The following TBC1D23 variants were observed in gnomAD, a reference collection of about 807,000 sequenced individuals.
TBC1D23 encodes TBC1 domain family member 23.
TBC1D23 carries 55 observed loss-of-function variants against 91.4 expected under a neutral mutation model. The ratio of observed to expected loss-of-function variants is 0.60; its 90% confidence interval spans 0.48 to 0.75. The LOEUF is 0.75. Ranked by LOEUF, TBC1D23 falls within the 30% of genes least tolerant of loss-of-function variation. The pLI, the probability that TBC1D23 is intolerant of heterozygous loss-of-function variation, is 0.00. For synonymous variants in TBC1D23, 289 were observed against 281.0 expected (o/e 1.03, Z -0.28); for missense variants, 725 against 836.1 (o/e 0.87, Z 1.64).
chr3:100,264,164 C>CTTGTT (rs1434603278), intron 1 of TBC1D23, among the ~76,000 whole-genome samples: 12 of 151,940 alleles, frequency 7.9e-5, no homozygotes, highest in Admixed American at 2.0e-4. Flanking sequence ...ATGCTTTACT[C>CTTGTT]TTGTTTTGTT....
At chr3:100,283,852 AC>A (rs760537374) in intron 4 of TBC1D23, 41 bp downstream of exon 4, 1 of 1,335,402 alleles carries the variant, frequency 7.5e-7, no homozygotes, top group Non-Finnish European at 1.1e-6. Context: ...AAAAGTGAAT[AC>A]AGGCCTGGTT....
chr3:100,267,891 T>G lies in TBC1D23; in HGVS notation c.53+6820T>G, dbSNP rs754341692. Among the ~76,000 whole-genome samples, 32 of 152,156 alleles carry G rather than the reference T, an allele frequency of 2.1e-4. 2 individuals are homozygous for G. The highest frequency in any genetic ancestry group is 2.6e-4 in the Admixed American group (4 of 15,272). On this transcript the variant is annotated intron_variant, in intron 1 of 18. Transcript: ENST00000394144. The stretch of plus-strand genomic sequence containing the variant: ...CTCTATGAGAAAGCAAAGTTATGCA[T>G]TGGGCATGATGGCTCATGCCTATAA...
chr3:100,315,400 G>T (rs1056463581), intron 15 of TBC1D23, among the ~76,000 whole-genome samples: 1 of 152,028 alleles, frequency 6.6e-6, no homozygotes, highest in Non-Finnish European at 1.5e-5. Flanking sequence ...GACCTCAGGT[G>T]ATCCACCTAC....
intron 9 of TBC1D23, among the ~76,000 whole-genome samples, chr3:100,298,754 TAA>T (rs1705355375): frequency 6.6e-6 from 1 of 152,216 alleles, no homozygotes; most frequent in Non-Finnish European, 1.5e-5. Flanking sequence ...TTATCCAGTT[TAA>T]AGAGATCCAT....
rs1008744601 is a variant in TBC1D23, at chr3:100,293,145, ATTTATTTT to A, written c.601-1941_601-1934del. 7.8e-5 allele frequency among the ~76,000 whole-genome samples: 11 copies of A among 141,718 alleles called. No homozygotes were observed. The East Asian group carries it at 1.8e-3, about 23-fold the overall frequency. The allele number at this position is 141,718 out of a possible 152,430, so 93.0% of individuals were successfully genotyped here. On this transcript the variant is annotated intron_variant, in intron 5 of 18. Coordinates refer to ENST00000394144, the MANE Select transcript of TBC1D23 (RefSeq NM_001199198.3). ...TGTTTGTTTACTTATTTATTTATTTATTTATTTTGTGAGACGGAGTCTCTTTCACCCAG... is the reference window on the plus strand; with the variant it reads ...TGTTTGTTTACTTATTTATTTATTTAGTGAGACGGAGTCTCTTTCACCCAG...
chr3:100,280,376 T>G lies in TBC1D23; in HGVS notation c.165+616T>G, dbSNP rs761692969. Among the ~76,000 whole-genome samples the G allele has an allele frequency of 4.5e-4, 68 of 152,246 alleles. 1 individual carries two copies. In the Middle Eastern group the frequency reaches 0.01, roughly 23 times the overall value. On this transcript the variant is annotated intron_variant, in intron 2 of 18. Coordinates refer to ENST00000394144, the MANE Select transcript of TBC1D23 (RefSeq NM_001199198.3). Reference sequence around the variant, plus strand: ...AGGAAGTATGCCTCTGGCTGTTGGGTTATAGGAGATTTTCCCTTTGTTTTC... The same window carrying G: ...AGGAAGTATGCCTCTGGCTGTTGGGGTATAGGAGATTTTCCCTTTGTTTTC...
At chr3:100,302,988 A>G (rs900821504) in intron 11 of TBC1D23, among the ~76,000 whole-genome samples, 2 of 152,256 alleles carry the variant, frequency 1.3e-5, no homozygotes, top group Non-Finnish European at 2.9e-5. Flanking sequence ...GAATAAATAC[A>G]TATGCATATT....
intron 5 of TBC1D23, among the ~76,000 whole-genome samples, chr3:100,291,275 A>T (rs2067787617): frequency 6.6e-6 from 1 of 152,086 alleles, no homozygotes; most frequent in Non-Finnish European, 1.5e-5. Flanking sequence ...ATCCATATGG[A>T]TTATATTGAG....
In TBC1D23 at chr3:100,268,675, T is replaced by A. The variant is rs2067577132; in HGVS notation, c.53+7604T>A. On this transcript the variant is annotated intron_variant, in intron 1 of 18. Coordinates refer to ENST00000394144, the MANE Select transcript of TBC1D23 (RefSeq NM_001199198.3). Reference sequence around the variant, plus strand: ...TGCCATTCTCTATCTTAGGCAAAAGTTACACTCTGTTTTTAGTTTCCAAAT... The same window carrying A: ...TGCCATTCTCTATCTTAGGCAAAAGATACACTCTGTTTTTAGTTTCCAAAT... Among the ~76,000 whole-genome samples, 10 of 152,328 alleles carry A rather than the reference T, an allele frequency of 6.6e-5. No individual in the cohort carries two copies. The South Asian group carries it at 2.1e-3, about 32-fold the overall frequency.
intron 4 of TBC1D23, among the ~76,000 whole-genome samples, chr3:100,285,285 A>G (rs374138194): frequency 6.6e-6 from 1 of 152,084 alleles, no homozygotes. Flanking sequence ...TCAACTCTCC[A>G]TTTTCCCCCA....
intron 16 of TBC1D23, among the ~76,000 whole-genome samples, chr3:100,318,162 C>T (rs1032122044): frequency 4.0e-5 from 6 of 149,630 alleles, no homozygotes; most frequent in South Asian, 2.2e-4. Context: ...AGATAACGTG[C>T]GATTTCCTTT....
In TBC1D23 at chr3:100,314,625, C is replaced by T. The variant is rs74996144; in HGVS notation, c.1599-1474C>T. ...TGAAAAAATAAAAAAATTAGGCAGGCGTAGTGGCACACCCCCGTGGTCCCA... is the reference window on the plus strand; with the variant it reads ...TGAAAAAATAAAAAAATTAGGCAGGTGTAGTGGCACACCCCCGTGGTCCCA... On this transcript the variant is annotated intron_variant, in intron 15 of 18. Coordinates refer to ENST00000394144, the MANE Select transcript of TBC1D23 (RefSeq NM_001199198.3). Among the ~76,000 whole-genome samples, 469 of 152,112 alleles carry T rather than the reference C, an allele frequency of 3.1e-3. 7 individuals are homozygous for T. Among genetic ancestry groups the T allele is most frequent in the Admixed American group, 0.019 (285 of 15,276 alleles).
At chr3:100,301,995 A>G in intron 10 of TBC1D23, 72 bp from the exon 11 acceptor site, 1 of 1,286,506 alleles carries the variant, frequency 7.8e-7, no homozygotes, top group South Asian at 1.5e-5. Context: ...TTTTCCTAAA[A>G]AAAATTTCAA....
intron 17 of TBC1D23, among the ~76,000 whole-genome samples, chr3:100,320,492 AAT>A (rs200797906): frequency 6.6e-6 from 1 of 152,074 alleles, no homozygotes; most frequent in African/African-American, 2.4e-5. Flanking sequence ...TTCAATAAAA[AAT>A]ATATTATTGT....
intron 13 of TBC1D23, 34 bp from the exon 14 acceptor site, chr3:100,310,369 C>A: frequency 6.3e-7 from 1 of 1,589,444 alleles, no homozygotes; most frequent in South Asian, 1.1e-5. Flanking sequence ...TTTAGTCATT[C>A]AGAGGCAGTT....
chr3:100,306,160 AAAG>A (rs1420276571), intron 12 of TBC1D23, among the ~76,000 whole-genome samples: 1 of 152,236 alleles, frequency 6.6e-6, no homozygotes, highest in Non-Finnish European at 1.5e-5. Context: ...ATTTCCTTTC[AAAG>A]AAGAAAACGT....
chr3:100,311,067 A>T (rs1242245145), intron 14 of TBC1D23, among the ~76,000 whole-genome samples: 1 of 152,228 alleles, frequency 6.6e-6, no homozygotes, highest in Non-Finnish European at 1.5e-5. Context: ...AAGTTTAAAA[A>T]TATCTGTTAT....
At chr3:100,321,302 T>C (rs1705854098) in intron 18 of TBC1D23, among the ~76,000 whole-genome samples, 1 of 152,212 alleles carries the variant, frequency 6.6e-6, no homozygotes. Context: ...TTTATTTTCC[T>C]TCATCGAAAA....
chr3:100,323,441 G>A (rs1705900290), intron 18 of TBC1D23, 146 bp from the exon 19 acceptor site: 1 of 292,416 alleles, frequency 3.4e-6, no homozygotes, highest in African/African-American at 2.2e-5. Context: ...TACATAGGAG[G>A]CATCTCTGCT....
Sources: gnomAD v4.1 joint callset for allele counts (sites outside exome capture counted in the v4.1 genomes callset) on GRCh38, gnomAD v4.1.1 for gene constraint, MANE v1.5 for transcripts, NCBI Gene and HGNC (gene_info 2026-07-23, HGNC 2026-07-21) for gene names.